PPIL4: variants seen among roughly 807,000 people sequenced by gnomAD.
PPIL4 encodes the protein peptidyl-prolyl cis-trans isomerase-like 4.
In PPIL4, 50 loss-of-function variants were observed where a neutral mutation model predicts 69.1. The observed-to-expected ratio is 0.72, with a 90% CI of 0.58 to 0.92. The LOEUF is 0.92. Among genes scored for constraint, PPIL4 ranks in the 40% least tolerant of loss-of-function variants. The probability of loss-of-function intolerance (pLI) is 0.00; values close to 1 mark genes in which losing one functional copy is unlikely to be tolerated. For missense variants in PPIL4, 480 were observed against 587.9 expected (o/e 0.82, Z 1.90); for synonymous variants, 193 against 191.6 (o/e 1.01, Z -0.06).
chr6:149,545,282 C>T (rs2115043030), intron 1 of PPIL4, among the ~76,000 whole-genome samples: 1 of 152,308 alleles, frequency 6.6e-6, no homozygotes, highest in Non-Finnish European at 1.5e-5. Context: ...TTCTTCCCAC[C>T]CCCCACCAAA....
intron 7 of PPIL4, among the ~76,000 whole-genome samples, chr6:149,533,244 T>C (rs1313558304): frequency 2.6e-5 from 4 of 152,356 alleles, no homozygotes; most frequent in Non-Finnish European, 5.9e-5. Flanking sequence ...CACTTCCCAC[T>C]GTTTAAAAAG....
At chr6:149,543,650 T>C (rs929587413) in intron 1 of PPIL4, among the ~76,000 whole-genome samples, 1 of 152,182 alleles carries the variant, frequency 6.6e-6, no homozygotes, top group African/African-American at 2.4e-5. Flanking sequence ...GTTTTTTTTC[T>C]TTTTTAACCT....
At chr6:149,529,788 GAAAAGAAAGA>G (rs1777165857) in intron 7 of PPIL4, among the ~76,000 whole-genome samples, 1 of 144,824 alleles carries the variant, frequency 6.9e-6, no homozygotes, top group Non-Finnish European at 1.5e-5. Flanking sequence ...AGGAGGGAAA[GAAAAGAAAGA>G]AAAAGAAAAA....
At chr6:149,519,076 G>A (rs1198756930) in intron 10 of PPIL4, among the ~76,000 whole-genome samples, 1 of 152,072 alleles carries the variant, frequency 6.6e-6, no homozygotes, top group Non-Finnish European at 1.5e-5. Context: ...CCTCCTATGT[G>A]ACATTTTATC....
At chr6:149,519,222 T>G (rs907824641) in intron 10 of PPIL4, among the ~76,000 whole-genome samples, 1 of 152,202 alleles carries the variant, frequency 6.6e-6, no homozygotes, top group East Asian at 1.9e-4. Flanking sequence ...GTCTAAATCA[T>G]CTGTGTATGT....
intron 5 of PPIL4, among the ~76,000 whole-genome samples, chr6:149,535,195 A>T (rs1777256591): frequency 6.6e-6 from 1 of 152,138 alleles, no homozygotes; most frequent in Admixed American, 6.5e-5. Flanking sequence ...TCTCTACTAA[A>T]AATACAAAAA....
Position 149,541,061 on chromosome 6 carries a change from T to G in PPIL4, c.204-2A>C. ...CTTGCTTGATCACCATACAGTTGGC[T>G]GAAAAAACATATAAGGTTATAAATG... On this transcript the variant is annotated splice_acceptor_variant, in intron 3 of 12. Transcript: ENST00000253329. LOFTEE classifies it high-confidence loss of function. 6.5e-7 allele frequency: 1 copy of G among 1,544,050 alleles called. No individual in the cohort carries two copies.
At chr6:149,508,028 G>C (rs1434844161) in intron 12 of PPIL4, among the ~76,000 whole-genome samples, 1 of 152,194 alleles carries the variant, frequency 6.6e-6, no homozygotes, top group African/African-American at 2.4e-5. Flanking sequence ...AGTTAAAGTG[G>C]CTGAATGAAG....
intron 7 of PPIL4, among the ~76,000 whole-genome samples, chr6:149,532,791 G>A (rs1777218869): frequency 6.6e-6 from 1 of 152,070 alleles, no homozygotes; most frequent in South Asian, 2.1e-4. Context: ...ACTCCAGCCT[G>A]AACAACAGAG....
chr6:149,539,585 TC>T (rs953592187), intron 4 of PPIL4, among the ~76,000 whole-genome samples: 1 of 152,128 alleles, frequency 6.6e-6, no homozygotes, highest in Non-Finnish European at 1.5e-5. Flanking sequence ...TCACCATGTT[TC>T]CTGGGCTGGT....
intron 4 of PPIL4, among the ~76,000 whole-genome samples, chr6:149,536,995 G>A (rs1046721153): frequency 1.3e-5 from 2 of 151,896 alleles, no homozygotes; most frequent in African/African-American, 2.4e-5. Flanking sequence ...GCATGGTGGC[G>A]TGTGCCTGTA....
At chr6:149,515,907 T>C (rs1776936469) in intron 11 of PPIL4, among the ~76,000 whole-genome samples, 1 of 152,204 alleles carries the variant, frequency 6.6e-6, no homozygotes, top group African/African-American at 2.4e-5. Context: ...TAATAATCTA[T>C]ACTTTCACTA....
At chr6:149,545,878 A>G in intron 1 of PPIL4, 58 bp downstream of exon 1, 1 of 1,477,666 alleles carries the variant, frequency 6.8e-7, no homozygotes. Flanking sequence ...CAGAGAAGGG[A>G]AAGTAGGGAG....
In PPIL4 at chr6:149,505,718, G is replaced by T; in HGVS notation, c.1228-14C>A. 2 of 1,599,728 alleles carry T rather than the reference G, an allele frequency of 1.3e-6. No individual in the cohort carries two copies. The highest frequency in any genetic ancestry group is 1.7e-5 in the Admixed American group (1 of 57,454). ...TCTATAGATATCCTGTCAAAGGAAG[G>T]GGGAATTACAAGTGAATCAGTAAAA... is the stretch of plus-strand genomic sequence containing the variant. On this transcript the variant is annotated splice_polypyrimidine_tract_variant and intron_variant, in intron 12 of 12. Coordinates refer to ENST00000253329, the MANE Select transcript of PPIL4 (RefSeq NM_139126.4).
chr6:149,532,772 C>T (rs923997028), intron 7 of PPIL4, among the ~76,000 whole-genome samples: 6 of 152,156 alleles, frequency 3.9e-5, no homozygotes, highest in Non-Finnish European at 8.8e-5. Flanking sequence ...TATGATCATA[C>T]ACCACTGTAC....
intron 12 of PPIL4, among the ~76,000 whole-genome samples, chr6:149,509,952 G>C (rs1457863841): frequency 6.6e-6 from 1 of 152,094 alleles, no homozygotes; most frequent in Admixed American, 6.5e-5. Flanking sequence ...TATAGAGACA[G>C]GGCCTCCTAT....
Position 149,532,298 on chromosome 6 carries a change from T to A in PPIL4, c.678+1160A>T, listed in dbSNP as rs1428503692. On this transcript the variant is annotated intron_variant, in intron 7 of 12. Coordinates refer to ENST00000253329, the MANE Select transcript of PPIL4 (RefSeq NM_139126.4). ...TGAAATTATCTGAAAACAAAAAGTTTTAAAAAGTATGTTAATCTATTTTCT... is the reference window on the plus strand; with the variant it reads ...TGAAATTATCTGAAAACAAAAAGTTATAAAAAGTATGTTAATCTATTTTCT... 3.3e-5 allele frequency among the ~76,000 whole-genome samples: 5 copies of A among 152,236 alleles called. No homozygotes were observed. In the East Asian group the frequency reaches 9.6e-4, roughly 29 times the overall value.
intron 10 of PPIL4, among the ~76,000 whole-genome samples, chr6:149,519,042 G>A (rs147440976): frequency 7.4e-4 from 113 of 152,212 alleles, no homozygotes; most frequent in African/African-American, 2.1e-3. Context: ...GTTTATGATG[G>A]CATATACAAA....
intron 11 of PPIL4, 88 bp from the exon 12 acceptor site, chr6:149,512,390 G>C: frequency 1.0e-6 from 1 of 962,448 alleles, no homozygotes; most frequent in Non-Finnish European, 1.6e-6. Context: ...AGGTCATAAG[G>C]CTAAAAGTAA....
Sources: gnomAD v4.1 joint callset for allele counts (sites outside exome capture counted in the v4.1 genomes callset) on GRCh38, gnomAD v4.1.1 for gene constraint, MANE v1.5 for transcripts, NCBI Gene and HGNC (gene_info 2026-07-23, HGNC 2026-07-21) for gene names.